The following PRKAR2B variants were observed in gnomAD, a reference collection of about 807,000 sequenced individuals.
PRKAR2B encodes protein kinase cAMP-dependent type II regulatory subunit beta.
In PRKAR2B, 14 loss-of-function variants were observed where a neutral mutation model predicts 49.9. The ratio of observed to expected loss-of-function variants is 0.28; its 90% CI spans 0.19 to 0.44. The LOEUF (loss-of-function observed/expected upper bound fraction) is 0.44, where lower values mean the gene tolerates loss of function less well. Ranked by LOEUF, PRKAR2B falls within the 20% of genes least tolerant of loss-of-function variation. The pLI is 1.00. For missense variants in PRKAR2B, 393 were observed against 537.9 expected (o/e 0.73, Z 2.67); for synonymous variants, 196 against 197.7 (o/e 0.99, Z 0.07).
intron 2 of PRKAR2B, among the ~76,000 whole-genome samples, chr7:107,114,529 T>A (rs1795235435): frequency 1.4e-5 from 1 of 70,726 alleles, no homozygotes; most frequent in Non-Finnish European, 2.5e-5. Flanking sequence ...GCCCGGTTAA[T>A]TTTTTTTTTT....
chr7:107,068,890 C>G (rs563510532), intron 1 of PRKAR2B: 1 of 152,236 alleles, frequency 6.6e-6, no homozygotes, highest in South Asian at 2.1e-4. Context: ...TAATAATTTT[C>G]TCTGAGACTT....
At chr7:107,147,604 G>A (rs1291943540) in intron 6 of PRKAR2B, among the ~76,000 whole-genome samples, 2 of 152,206 alleles carry the variant, frequency 1.3e-5, no homozygotes, top group East Asian at 3.9e-4. Flanking sequence ...TGATTCAGTG[G>A]TTCTGGGGTG....
chr7:107,128,652 G>A (rs1459414789), intron 4 of PRKAR2B: 1 of 182,124 alleles, frequency 5.5e-6, no homozygotes, highest in African/African-American at 2.3e-5. Flanking sequence ...TCAGGAATAT[G>A]CAGGGATGCT....
intron 10 of PRKAR2B, 56 bp downstream of exon 10, chr7:107,157,380 A>G (rs954767989): frequency 2.7e-5 from 42 of 1,546,916 alleles, no homozygotes; most frequent in Non-Finnish European, 1.7e-5. Context: ...TCTGCATTTT[A>G]TGTATTCATG....
At chr7:107,085,349 G>A (rs1013875470) in intron 2 of PRKAR2B, among the ~76,000 whole-genome samples, 3 of 152,110 alleles carry the variant, frequency 2.0e-5, no homozygotes, top group African/African-American at 4.8e-5. Context: ...CCTTTTTAAT[G>A]ATGAGGTCAT....
Position 107,147,341 on chromosome 7 carries a change from A to G in PRKAR2B, c.741+880A>G, listed in dbSNP as rs141893584. On this transcript the variant is annotated intron_variant, in intron 6 of 10. Transcript: ENST00000265717. ...AAAATCCTCTTACCTAGACCTCACC[A>G]TGGGCAAATTGATCAGAATCTTCAG... 1.6e-3 allele frequency among the ~76,000 whole-genome samples: 237 copies of G among 152,306 alleles called. 1 individual carries two copies. The highest frequency in any genetic ancestry group is 5.3e-3 in the African/African-American group (221 of 41,560).
chr7:107,094,184 A>G (rs1231579282), intron 2 of PRKAR2B, among the ~76,000 whole-genome samples: 1 of 152,072 alleles, frequency 6.6e-6, no homozygotes, highest in Non-Finnish European at 1.5e-5. Context: ...TTGTTTCCTG[A>G]CTTTTTAATG....
intron 2 of PRKAR2B, among the ~76,000 whole-genome samples, chr7:107,097,474 T>C (rs936535861): frequency 4.6e-5 from 7 of 152,194 alleles, no homozygotes; most frequent in African/African-American, 1.7e-4. Flanking sequence ...TTTGTCAGTC[T>C]GTGTCTTTTA....
At chr7:107,146,984 G>C (rs1280414584) in intron 6 of PRKAR2B, among the ~76,000 whole-genome samples, 1 of 152,120 alleles carries the variant, frequency 6.6e-6, no homozygotes, top group South Asian at 2.1e-4. Flanking sequence ...GCTATAAATT[G>C]ATTGGTAACT....
chr7:107,066,284 G>T (rs1371019586), intron 1 of PRKAR2B, among the ~76,000 whole-genome samples: 3 of 139,070 alleles, frequency 2.2e-5, no homozygotes, highest in Non-Finnish European at 4.6e-5. Flanking sequence ...CTAGTCTCTA[G>T]TTTTCTCTCT....
At chr7:107,063,675 A>G (rs1464847168) in intron 1 of PRKAR2B, among the ~76,000 whole-genome samples, 1 of 152,134 alleles carries the variant, frequency 6.6e-6, no homozygotes, top group Non-Finnish European at 1.5e-5. Context: ...GGCTTTGAAT[A>G]TGGGTATTTT....
rs527656968 is a variant in PRKAR2B at position 107,078,923 on chromosome 7, C to T, written c.343+8607C>T. Among the ~76,000 whole-genome samples the T allele has an allele frequency of 1.1e-4, 17 of 152,262 alleles. No homozygotes were observed. In the South Asian group the frequency reaches 2.3e-3, roughly 20 times the overall value. On this transcript the variant is annotated intron_variant, in intron 2 of 10. Transcript: ENST00000265717. ...ATGGTGGGAAGGGAGGATCTTTCTG[C>T]GCCTATAGTGTCCTCAGACTCTTCA...
In PRKAR2B at chr7:107,126,208, A is replaced by G. The variant is rs184548687; in HGVS notation, c.397-2004A>G. ...GGACATCAAGACCATCCTGGCTAACATGGTGAAAACCCGTCTCTACTAAAA... is the reference window on the plus strand; with the variant it reads ...GGACATCAAGACCATCCTGGCTAACGTGGTGAAAACCCGTCTCTACTAAAA... On this transcript the variant is annotated intron_variant, in intron 3 of 10. Transcript: ENST00000265717. Among the ~76,000 whole-genome samples, 172 of 147,504 alleles carry G rather than the reference A, an allele frequency of 1.2e-3. 1 individual carries two copies. The highest frequency in any genetic ancestry group is 4.1e-3 in the African/African-American group (166 of 40,068).
In PRKAR2B at chr7:107,151,053, T is replaced by C. The variant is rs751855716; in HGVS notation, c.843+30T>C. 1.3e-5 allele frequency: 17 copies of C among 1,340,818 alleles called. No homozygotes were observed. In the Admixed American group the frequency reaches 4.5e-4, roughly 36 times the overall value. The allele number at this position is 1,340,818 out of a possible 1,614,324, so 83.1% of individuals were successfully genotyped here. A position where few individuals can be genotyped will look rare whatever the true frequency, so the allele number is the denominator to read the frequency against. ...GTATATGTTTATGCTTTTATTTTAT[T>C]TTGCTTTAAAAGTTTCTGTTTTGCT... On this transcript the variant is annotated intron_variant, in intron 7 of 10. Coordinates refer to ENST00000265717, the MANE Select transcript of PRKAR2B (RefSeq NM_002736.3).
intron 4 of PRKAR2B, among the ~76,000 whole-genome samples, chr7:107,134,066 T>C (rs1795652874): frequency 6.6e-6 from 1 of 152,154 alleles, no homozygotes; most frequent in South Asian, 2.1e-4. Context: ...TCTCGCTCTG[T>C]TGCCCAGGTT....
At chr7:107,144,844 A>C (rs1795860888) in intron 5 of PRKAR2B, among the ~76,000 whole-genome samples, 1 of 105,594 alleles carries the variant, frequency 9.5e-6, no homozygotes, top group Admixed American at 1.2e-4. Flanking sequence ...TGTCTGTGTT[A>C]GGGTTTAGTC....
intron 2 of PRKAR2B, among the ~76,000 whole-genome samples, chr7:107,097,725 C>T (rs560074864): frequency 1.3e-5 from 2 of 152,284 alleles, no homozygotes; most frequent in Non-Finnish European, 2.9e-5. Flanking sequence ...AATCTCTCAG[C>T]ATTTGCTTGT....
At chr7:107,065,131 GTGTT>G (rs1355835179) in intron 1 of PRKAR2B, among the ~76,000 whole-genome samples, 5 of 152,302 alleles carry the variant, frequency 3.3e-5, no homozygotes, top group Admixed American at 6.5e-5. Flanking sequence ...GATTCAGAAA[GTGTT>G]TGTTGCTAGA....
intron 4 of PRKAR2B, among the ~76,000 whole-genome samples, chr7:107,130,302 AT>A (rs1485539083): frequency 3.3e-5 from 5 of 152,044 alleles, no homozygotes; most frequent in African/African-American, 1.2e-4. Context: ...GATCGAGCCC[AT>A]CCTGGCTAAC....
Sources: allele counts gnomAD v4.1 joint callset (sites outside exome capture counted in the v4.1 genomes callset), GRCh38; gene constraint gnomAD v4.1.1; transcripts MANE v1.5; gene names NCBI Gene and HGNC (gene_info 2026-07-23, HGNC 2026-07-21).